CREBBP: variants seen among roughly 807,000 people sequenced by gnomAD.
CREBBP encodes CREB binding lysine acetyltransferase, also known as CREB-binding protein.
In CREBBP, 19 loss-of-function variants were observed where a neutral mutation model predicts 265.0. The observed-to-expected ratio is 0.07, with a 90% CI of 0.05 to 0.11. The LOEUF is 0.11. Ranked by LOEUF, CREBBP falls within the 10% of genes least tolerant of loss-of-function variation. CREBBP has a pLI of 1.00. For synonymous variants in CREBBP, 1,457 were observed against 1,223.7 expected (o/e 1.19, Z -3.98); for missense variants, 2,525 against 3,219.0 (o/e 0.78, Z 5.22).
chr16:3,776,916 G>T (rs948357706), intron 11 of CREBBP, among the ~76,000 whole-genome samples: 9 of 152,136 alleles, frequency 5.9e-5, no homozygotes, highest in Non-Finnish European at 1.3e-4. Context: ...TACTATGGAG[G>T]CTGAGGCAGG....
rs74423795 is a variant in CREBBP at position 3,729,901 on chromosome 16, G to A, written c.5173-27C>T. The A allele has an allele frequency of 6.6e-3, 10,502 of 1,598,316 alleles. 57 individuals are homozygous for A. Among genetic ancestry groups the A allele is most frequent in the South Asian group, 0.011 (1,008 of 90,806 alleles). On this transcript the variant is annotated intron_variant, in intron 30 of 30. Transcript: ENST00000262367. ...TGCAAGCAAGGAAAGGGGACAGGCC[G>A]GTGTCAGCATGGGACCCAGTACCAC...
chr16:3,808,817 T>C (rs1379669849), intron 3 of CREBBP, among the ~76,000 whole-genome samples: 1 of 152,198 alleles, frequency 6.6e-6, no homozygotes, highest in East Asian at 1.9e-4. Context: ...TGCTCCTGGT[T>C]ACTGAGCAGG....
intron 2 of CREBBP, among the ~76,000 whole-genome samples, chr16:3,845,127 C>A (rs2054639414): frequency 6.6e-6 from 1 of 152,140 alleles, no homozygotes; most frequent in African/African-American, 2.4e-5. Context: ...GGTTCTCAAC[C>A]CTGGCTGCCA....
chr16:3,824,191 G>C (rs144255412), intron 2 of CREBBP, among the ~76,000 whole-genome samples: 2 of 152,372 alleles, frequency 1.3e-5, no homozygotes, highest in East Asian at 3.9e-4. Context: ...CTGACTGGGA[G>C]GCAAACAAGG....
intron 5 of CREBBP, among the ~76,000 whole-genome samples, chr16:3,790,471 T>C (rs1462809740): frequency 6.7e-6 from 1 of 149,594 alleles, no homozygotes; most frequent in African/African-American, 2.5e-5. Flanking sequence ...ACCTCCCAGG[T>C]TTAAGTGATT....
intron 16 of CREBBP, among the ~76,000 whole-genome samples, chr16:3,765,737 T>G (rs949564062): frequency 6.6e-6 from 1 of 152,126 alleles, no homozygotes; most frequent in African/African-American, 2.4e-5. Flanking sequence ...ATCTTTGACC[T>G]CCCAGGCTCA....
chr16:3,798,589 T>G (rs754434181), intron 3 of CREBBP, among the ~76,000 whole-genome samples: 1 of 152,196 alleles, frequency 6.6e-6, no homozygotes, highest in Non-Finnish European at 1.5e-5. Flanking sequence ...TGAACCTTAT[T>G]AGCCATTAGG....
chr16:3,843,898 C>T (rs544271666), intron 2 of CREBBP, among the ~76,000 whole-genome samples: 292 of 151,744 alleles, frequency 1.9e-3, no homozygotes, highest in African/African-American at 6.8e-3. Flanking sequence ...CCTGTAATCC[C>T]AGCACTTTGG....
chr16:3,852,146 A>G (rs1179414216), intron 1 of CREBBP, among the ~76,000 whole-genome samples: 1 of 141,752 alleles, frequency 7.1e-6, no homozygotes, highest in African/African-American at 2.6e-5. Context: ...AGTAAAGCCA[A>G]TCTTAAATTT....
At chr16:3,764,355 C>A (rs975006896) in intron 16 of CREBBP, among the ~76,000 whole-genome samples, 1 of 152,168 alleles carries the variant, frequency 6.6e-6, no homozygotes, top group Non-Finnish European at 1.5e-5. Flanking sequence ...TGGTTCACTA[C>A]AGCCTCAACC....
intron 1 of CREBBP, among the ~76,000 whole-genome samples, chr16:3,862,579 C>T (rs943041327): frequency 2.6e-5 from 4 of 152,182 alleles, no homozygotes; most frequent in African/African-American, 4.8e-5. Context: ...GTATGATGAA[C>T]GATATTTAAG....
intron 19 of CREBBP, among the ~76,000 whole-genome samples, chr16:3,754,784 G>C (rs1476040348): frequency 1.3e-5 from 2 of 152,074 alleles, no homozygotes; most frequent in African/African-American, 4.8e-5. Flanking sequence ...TATATATTAG[G>C]GTTTCACTTG....
At chr16:3,852,404 A>G (rs1015643923) in intron 1 of CREBBP, among the ~76,000 whole-genome samples, 6 of 151,652 alleles carry the variant, frequency 4.0e-5, no homozygotes, top group Non-Finnish European at 8.8e-5. Context: ...TCCTGACCTC[A>G]TGATCCATGG....
At chr16:3,778,219 A>G in intron 9 of CREBBP, 37 bp from the exon 10 acceptor site, 1 of 1,531,100 alleles carries the variant, frequency 6.5e-7, no homozygotes, top group Non-Finnish European at 9.0e-7. Context: ...AACAGTTAAA[A>G]CTGTAAAAAG....
intron 2 of CREBBP, among the ~76,000 whole-genome samples, chr16:3,847,000 T>C (rs1192479356): frequency 6.6e-6 from 1 of 152,244 alleles, no homozygotes; most frequent in East Asian, 1.9e-4. Context: ...TTAATTCTCC[T>C]TTTCAGAATC....
chr16:3,834,720 T>C (rs2054408272), intron 2 of CREBBP, among the ~76,000 whole-genome samples: 1 of 152,188 alleles, frequency 6.6e-6, no homozygotes. Flanking sequence ...TGTGACAAAC[T>C]GTACCATTCT....
chr16:3,777,939 A>G, intron 10 of CREBBP, 72 bp downstream of exon 10: 2 of 1,542,214 alleles, frequency 1.3e-6, no homozygotes, highest in South Asian at 2.2e-5. Context: ...CTGTTCTTAG[A>G]AATACACCCC....
intron 27 of CREBBP, 94 bp downstream of exon 27, chr16:3,736,556 G>C: frequency 6.6e-7 from 1 of 1,516,166 alleles, no homozygotes. Flanking sequence ...ATAAGTGAAG[G>C]TAATTAACAA....
At chr16:3,736,304 G>A (rs2052057622) in intron 27 of CREBBP, 101 bp from the exon 28 acceptor site, 4 of 1,259,022 alleles carry the variant, frequency 3.2e-6, no homozygotes, top group Non-Finnish European at 4.6e-6. Flanking sequence ...ACCATGGTGT[G>A]GCAGAGTCCC....
Sources: allele counts gnomAD v4.1 joint callset (sites outside exome capture counted in the v4.1 genomes callset), GRCh38; gene constraint gnomAD v4.1.1; transcripts MANE v1.5; gene names NCBI Gene and HGNC (gene_info 2026-07-23, HGNC 2026-07-21).